Variants in KITLG observed in about 807,000 individuals in gnomAD.
The protein encoded by KITLG is c-Kit ligand.
In KITLG, 13 loss-of-function variants were observed where a neutral mutation model predicts 34.1. That is an observed-to-expected ratio of 0.38 (90% CI 0.25 to 0.61). KITLG has a LOEUF of 0.61. Ranked by LOEUF, KITLG falls within the 20% of genes least tolerant of loss-of-function variation. The pLI, the probability that KITLG is intolerant of heterozygous loss-of-function variation, is 0.60. For synonymous variants in KITLG, 110 were observed against 104.0 expected, an observed-to-expected ratio of 1.06 and a Z score of -0.35; for missense variants, 292 against 318.9, an observed-to-expected ratio of 0.92 and a Z score of 0.64.
At position 88,507,128 on chromosome 12, in the gene KITLG, T is replaced by C; in HGVS notation, c.614A>G (p.Lys205Arg). 6.2e-7 allele frequency: 1 copy of C among 1,608,844 alleles called. No individual in the cohort carries two copies. Among genetic ancestry groups the C allele is most frequent in the Admixed American group, 1.7e-5 (1 of 60,010 alleles). The change falls in exon 7 of 10, where the codon AAA (lysine) becomes AGA (arginine). Residue 205 changes from lysine to arginine, a missense_variant. Physicochemically the swap from Lys to Arg is conservative, Grantham distance 26 (BLOSUM62 2). This residue lies in a region of KITLG where 140 missense variants were observed against 111.0 expected (regional missense o/e 1.26). Coordinates refer to ENST00000644744, the MANE Select transcript of KITLG (RefSeq NM_000899.5). ...NDSSSSNRKA[K>R]NPPGDSSLHW... Reference sequence around the variant, plus strand: ...TAGGCTGGAGTCTCCAGGGGGATTTTTGGCCTTCCCTATAATTTAAAGAAC... The same window carrying C: ...TAGGCTGGAGTCTCCAGGGGGATTTCTGGCCTTCCCTATAATTTAAAGAAC...
At chr12:88,537,219 G>A (rs980285356) in intron 2 of KITLG, among the ~76,000 whole-genome samples, 7 of 151,826 alleles carry the variant, frequency 4.6e-5, no homozygotes, top group East Asian at 3.9e-4. Flanking sequence ...ACATGGAATC[G>A]ACCTATGTGC....
At chr12:88,527,017 C>T (rs985998856) in intron 3 of KITLG, among the ~76,000 whole-genome samples, 11 of 151,994 alleles carry the variant, frequency 7.2e-5, no homozygotes, top group Admixed American at 1.3e-4. Flanking sequence ...TACAGGCGCC[C>T]GCCACCACGC....
intron 2 of KITLG, among the ~76,000 whole-genome samples, chr12:88,544,447 G>A (rs1442744288): frequency 6.6e-6 from 1 of 151,400 alleles, no homozygotes; most frequent in Non-Finnish European, 1.5e-5. Flanking sequence ...ATTGTTTCTT[G>A]GGTCACAAAC....
intron 1 of KITLG, among the ~76,000 whole-genome samples, chr12:88,558,187 C>T (rs947696656): frequency 2.0e-5 from 3 of 151,934 alleles, no homozygotes; most frequent in Non-Finnish European, 4.4e-5. Context: ...TTAATGTGCT[C>T]ATATGTATTT....
chr12:88,519,991 T>C (rs1869599401), intron 3 of KITLG, among the ~76,000 whole-genome samples: 1 of 152,220 alleles, frequency 6.6e-6, no homozygotes, highest in Non-Finnish European at 1.5e-5. Flanking sequence ...ACTGTTTTAC[T>C]TAATATAATA....
chr12:88,518,942 A>C, intron 3 of KITLG, 75 bp from the exon 4 acceptor site: 1 of 1,336,552 alleles, frequency 7.5e-7, no homozygotes, highest in Admixed American at 1.9e-5. Flanking sequence ...TACTCTTCAA[A>C]GCTATCGTTT....
chr12:88,574,262 A>G (rs574307274), intron 1 of KITLG, among the ~76,000 whole-genome samples: 1 of 151,278 alleles, frequency 6.6e-6, no homozygotes, highest in African/African-American at 2.4e-5. Context: ...CAACAAGAAA[A>G]GACTGCCATA....
chr12:88,537,706 G>T (rs1314093466), intron 2 of KITLG, among the ~76,000 whole-genome samples: 2 of 151,790 alleles, frequency 1.3e-5, no homozygotes, highest in African/African-American at 2.4e-5. Context: ...AAACACTTTT[G>T]GTCCCAAGCA....
intron 2 of KITLG, among the ~76,000 whole-genome samples, chr12:88,538,952 G>A (rs1029155870): frequency 6.6e-6 from 1 of 152,154 alleles, no homozygotes; most frequent in Non-Finnish European, 1.5e-5. Context: ...ATGTCTTAAT[G>A]ATTGACCATG....
chr12:88,571,246 G>T (rs188343473), intron 1 of KITLG, among the ~76,000 whole-genome samples: 3 of 152,286 alleles, frequency 2.0e-5, no homozygotes, highest in African/African-American at 4.8e-5. Context: ...TATTAAGTAA[G>T]TGCCAGTTGC....
At chr12:88,499,806 A>G (rs1300778863) in intron 9 of KITLG, among the ~76,000 whole-genome samples, 2 of 152,102 alleles carry the variant, frequency 1.3e-5, no homozygotes, top group Non-Finnish European at 2.9e-5. Flanking sequence ...CAAATGGTCT[A>G]TGCTTTCTTA....
chr12:88,573,956 T>G (rs961924911), intron 1 of KITLG, among the ~76,000 whole-genome samples: 1 of 152,128 alleles, frequency 6.6e-6, no homozygotes, highest in Non-Finnish European at 1.5e-5. Context: ...CCCTCCCAAT[T>G]TACCCATGTT....
At chr12:88,515,860 T>C (rs775413676) in intron 5 of KITLG, among the ~76,000 whole-genome samples, 11 of 151,612 alleles carry the variant, frequency 7.3e-5, no homozygotes, top group Non-Finnish European at 1.3e-4. Flanking sequence ...TAATGACACA[T>C]TGATGGTAAT....
At chr12:88,497,230 CT>C in intron 9 of KITLG, 49 bp from the exon 10 acceptor site, 2 of 370,448 alleles carry the variant, frequency 5.4e-6, no homozygotes, top group Non-Finnish European at 5.4e-6. Flanking sequence ...TGCCTTCTGC[CT>C]TTTTAAAAAT....
intron 1 of KITLG, among the ~76,000 whole-genome samples, chr12:88,569,957 G>A (rs1871590786): frequency 6.6e-6 from 1 of 152,122 alleles, no homozygotes; most frequent in African/African-American, 2.4e-5. Flanking sequence ...TAAATGGCTG[G>A]TAGCTTTAAA....
intron 9 of KITLG, among the ~76,000 whole-genome samples, chr12:88,498,278 A>G (rs577866090): frequency 3.3e-4 from 50 of 152,278 alleles, no homozygotes; most frequent in Admixed American, 7.2e-4. Context: ...GATTAGCCAT[A>G]AAATTCCATA....
chr12:88,565,373 T>A (rs1343204586), intron 1 of KITLG, among the ~76,000 whole-genome samples: 1 of 152,168 alleles, frequency 6.6e-6, no homozygotes, highest in Non-Finnish European at 1.5e-5. Flanking sequence ...AGGCCTGTAA[T>A]CCCAGCACTC....
intron 1 of KITLG, among the ~76,000 whole-genome samples, chr12:88,575,054 A>G (rs1410663292): frequency 2.0e-5 from 3 of 152,324 alleles, no homozygotes; most frequent in Admixed American, 2.0e-4. Flanking sequence ...TGGCTGCATA[A>G]ATCTGAGAAC....
At chr12:88,500,930 C>T (rs1414086176) in intron 9 of KITLG, among the ~76,000 whole-genome samples, 1 of 152,074 alleles carries the variant, frequency 6.6e-6, no homozygotes. Flanking sequence ...TAGGTGCATA[C>T]CACTATGCCC....
Sources: allele counts gnomAD v4.1 joint callset (sites outside exome capture counted in the v4.1 genomes callset), GRCh38; gene constraint gnomAD v4.1.1; regional missense constraint gnomAD v4.1.1; transcripts MANE v1.5; gene names NCBI Gene and HGNC (gene_info 2026-07-23, HGNC 2026-07-21).